NCOA6: variants seen among roughly 807,000 people sequenced by gnomAD.
NCOA6 encodes the protein nuclear receptor coactivator 6.
In NCOA6, 49 loss-of-function variants were observed where a neutral mutation model predicts 171.4. That is an observed-to-expected ratio of 0.29 (90% CI 0.23 to 0.36). NCOA6 has a LOEUF of 0.36. Ranked by LOEUF, NCOA6 falls within the 10% of genes least tolerant of loss-of-function variation. NCOA6 has a pLI of 1.00. For missense variants in NCOA6, 2,248 were observed against 2,554.5 expected (o/e 0.88, Z 2.59); for synonymous variants, 910 against 927.5 (o/e 0.98, Z 0.34).
At chr20:34,805,966 G>A (rs956803736) in intron 1 of NCOA6, among the ~76,000 whole-genome samples, 8 of 152,150 alleles carry the variant, frequency 5.3e-5, no homozygotes, top group Non-Finnish European at 1.2e-4. Context: ...GATTACAGGC[G>A]TGAGCCACTG....
rs185276269 is a variant in NCOA6 at position 34,765,302 on chromosome 20, A to G, written c.514+3162T>C. Among the ~76,000 whole-genome samples, 16 of 151,704 alleles carry G rather than the reference A, an allele frequency of 1.1e-4. No homozygotes were observed. The East Asian group carries it at 2.9e-3, about 28-fold the overall frequency. On this transcript the variant is annotated intron_variant, in intron 5 of 14. Coordinates refer to ENST00000359003, the MANE Select transcript of NCOA6 (RefSeq NM_014071.5). ...CTCGTCTCTACTAAAAATACAAAAA[A>G]AAAAATTAGCCAGGCATGGTGGCAT...
chr20:34,751,821 A>G (rs1055377708), intron 8 of NCOA6, among the ~76,000 whole-genome samples: 9 of 152,064 alleles, frequency 5.9e-5, no homozygotes, highest in East Asian at 5.8e-4. Context: ...TACTTGCATT[A>G]TCTCCCCGTT....
intron 1 of NCOA6, among the ~76,000 whole-genome samples, chr20:34,809,168 G>A (rs1020450785): frequency 6.6e-6 from 1 of 151,992 alleles, no homozygotes; most frequent in African/African-American, 2.4e-5. Context: ...TCTTTTCTTG[G>A]TACTTTTCAT....
intron 1 of NCOA6, among the ~76,000 whole-genome samples, chr20:34,812,758 G>A (rs370322898): frequency 4.6e-5 from 7 of 152,344 alleles, no homozygotes; most frequent in Admixed American, 2.0e-4. Context: ...GCTCACGCCT[G>A]TAATCCCAGC....
chr20:34,733,577 T>A (rs996406388), intron 12 of NCOA6, among the ~76,000 whole-genome samples: 4 of 152,170 alleles, frequency 2.6e-5, no homozygotes, highest in African/African-American at 9.7e-5. Context: ...GTTAAGGAGA[T>A]GAAATAATGC....
intron 1 of NCOA6, among the ~76,000 whole-genome samples, chr20:34,801,257 G>T (rs1023082696): frequency 1.3e-5 from 2 of 151,898 alleles, no homozygotes; most frequent in African/African-American, 2.4e-5. Context: ...TAAAAAAGTA[G>T]AAAAATTTCA....
In NCOA6 at chr20:34,750,152, C is replaced by T. The variant is rs765263809; in HGVS notation, c.2043G>A (p.Lys681=). ...GTGGGCCCTGCTGGGAAAGCATCTG[C>T]TTGGGTGGGGTCATCCTTTGGGGCG... ...GPSPQRMTPP[K]QMLSQQGPQM... is the part of the protein sequence containing the mutation. Residue 681 remains lysine (K), a synonymous_variant, in exon 9 of 15, where the codon AAG becomes AAA. Transcript: ENST00000359003. 1.2e-6 allele frequency: 2 copies of T among 1,613,702 alleles called. No homozygotes were observed. Among genetic ancestry groups the T allele is most frequent in the Non-Finnish European group, 1.7e-6 (2 of 1,179,746 alleles).
chr20:34,721,065 C>G (rs376795413), intron 14 of NCOA6, among the ~76,000 whole-genome samples: 27 of 152,126 alleles, frequency 1.8e-4, no homozygotes, highest in African/African-American at 6.5e-4. Flanking sequence ...TTGTAATTTC[C>G]TAAGTGAGCC....
chr20:34,797,702 A>G (rs1005965051), intron 1 of NCOA6, among the ~76,000 whole-genome samples: 6 of 152,100 alleles, frequency 3.9e-5, no homozygotes, highest in Non-Finnish European at 8.8e-5. Flanking sequence ...AGCCTGGCCA[A>G]CATGGTAAAA....
In NCOA6 at chr20:34,754,884, T is replaced by C. The variant is rs758502479; in HGVS notation, c.1529-16A>G. The C allele has an allele frequency of 1.2e-6, 2 of 1,613,228 alleles. No homozygotes were observed. The highest frequency in any genetic ancestry group is 8.5e-7 in the Non-Finnish European group (1 of 1,179,430). On this transcript the variant is annotated splice_polypyrimidine_tract_variant and intron_variant, in intron 7 of 14. Coordinates refer to ENST00000359003, the MANE Select transcript of NCOA6 (RefSeq NM_014071.5). ...TTAGGCATTCCTTAATAGAAAACAA[T>C]GAGTAAGGCAGTTACCTAGCAAATT...
intron 8 of NCOA6, among the ~76,000 whole-genome samples, chr20:34,752,472 A>G (rs2076517832): frequency 6.6e-6 from 1 of 152,232 alleles, no homozygotes; most frequent in Admixed American, 6.5e-5. Context: ...AAATCCCTGC[A>G]TCCTTGGAGC....
intron 5 of NCOA6, among the ~76,000 whole-genome samples, chr20:34,759,325 CT>C (rs1239282754): frequency 2.6e-5 from 4 of 152,136 alleles, no homozygotes; most frequent in Admixed American, 6.5e-5. Flanking sequence ...CAGGCGTGAG[CT>C]ACTGCACCCG....
chr20:34,778,029 T>A lies in NCOA6; in HGVS notation c.236-1581A>T, dbSNP rs114638975. 4.3e-3 allele frequency among the ~76,000 whole-genome samples: 656 copies of A among 152,186 alleles called. 2 individuals carry two copies. The highest frequency in any genetic ancestry group is 0.015 in the African/African-American group (605 of 41,542). On this transcript the variant is annotated intron_variant, in intron 3 of 14. Coordinates refer to ENST00000359003, the MANE Select transcript of NCOA6 (RefSeq NM_014071.5). ...TTCGAGCAATTCTCCTGCCTCAGCA[T>A]CCTGAGCTGGGACTACAGGTGCATG... is the stretch of plus-strand genomic sequence containing the variant.
intron 3 of NCOA6, among the ~76,000 whole-genome samples, chr20:34,778,958 CAAAAAAAAAA>C (rs57631874): frequency 8.6e-5 from 4 of 46,512 alleles, no homozygotes; most frequent in Admixed American, 8.5e-4. Context: ...GACTCCGTTT[CAAAAAAAAAA>C]AAAAAAAAAA....
intron 1 of NCOA6, chr20:34,821,168 T>C (rs2078997781): frequency 6.6e-6 from 1 of 152,202 alleles, no homozygotes; most frequent in Admixed American, 6.5e-5. Flanking sequence ...AGATCAGGGG[T>C]TGGCAAATGT....
chr20:34,800,611 CAAAG>C (rs2078226012), intron 1 of NCOA6, among the ~76,000 whole-genome samples: 1 of 150,758 alleles, frequency 6.6e-6, no homozygotes, highest in Non-Finnish European at 1.5e-5. Context: ...AAAAAAGAGA[CAAAG>C]AAGGTTATTA....
chr20:34,794,285 A>G (rs1179636914), intron 1 of NCOA6, among the ~76,000 whole-genome samples: 2 of 152,194 alleles, frequency 1.3e-5, no homozygotes, highest in African/African-American at 4.8e-5. Context: ...CAACACAGTG[A>G]AACTTCATCT....
rs1568901862 is a variant in NCOA6 at position 34,817,138 on chromosome 20, AGCAAAAGCAAAAGC to A, written c.-164+8320_-164+8333del. On this transcript the variant is annotated intron_variant, in intron 1 of 14. Transcript: ENST00000359003. Reference sequence around the variant, plus strand: ...ACTCCATCACACACACACACAAAAAAGCAAAAGCAAAAGCAAAAGAAAATGTATATAAATGGGTA... The same window carrying A: ...ACTCCATCACACACACACACAAAAAAAAAAGAAAATGTATATAAATGGGTA... Among the ~76,000 whole-genome samples the A allele has an allele frequency of 2.8e-4, 36 of 128,082 alleles. 8 individuals are homozygous for A. The highest frequency in any genetic ancestry group is 1.9e-3 in the South Asian group (7 of 3,706). The allele number at this position is 128,082 out of a possible 152,430, so 84.0% of individuals were successfully genotyped here.
chr20:34,768,696 T>G (rs2077052420), intron 4 of NCOA6, 110 bp from the exon 5 acceptor site: 1 of 1,290,404 alleles, frequency 7.7e-7, no homozygotes, highest in African/African-American at 1.5e-5. Context: ...AGAATTATGG[T>G]TAGTTTACCA....
Sources: allele counts gnomAD v4.1 joint callset (sites outside exome capture counted in the v4.1 genomes callset), GRCh38; gene constraint gnomAD v4.1.1; transcripts MANE v1.5; gene names NCBI Gene and HGNC (gene_info 2026-07-23, HGNC 2026-07-21).